Variants in ECT2 observed in about 807,000 individuals in gnomAD.
The protein encoded by ECT2 is protein ECT2.
Under a neutral mutation model 116.9 loss-of-function variants are expected in ECT2, and 61 were observed. That is an observed-to-expected ratio of 0.52 (90% CI 0.42 to 0.65). The LOEUF (loss-of-function observed/expected upper bound fraction) is 0.65. Ranked by LOEUF, ECT2 falls within the 30% of genes least tolerant of loss-of-function variation. The pLI is 0.00. For synonymous variants in ECT2, 358 were observed against 346.4 expected (o/e 1.03, Z -0.37); for missense variants, 937 against 1,078.7 (o/e 0.87, Z 1.84).
chr3:172,809,918 G>A (rs563430083), intron 22 of ECT2, among the ~76,000 whole-genome samples: 1 of 152,118 alleles, frequency 6.6e-6, no homozygotes, highest in Admixed American at 6.6e-5. Flanking sequence ...CATCTTAATC[G>A]ACTTTCTCCC....
At chr3:172,759,985 A>G (rs562415521) in intron 6 of ECT2, among the ~76,000 whole-genome samples, 171 bp from the exon 7 acceptor site, 1 of 152,338 alleles carries the variant, frequency 6.6e-6, no homozygotes, top group South Asian at 2.1e-4. Context: ...TTAATAGGCA[A>G]ACTAATCTTT....
At chr3:172,809,568 TAC>T (rs10576393) in intron 22 of ECT2, among the ~76,000 whole-genome samples, 103,515 of 147,054 alleles carry the variant, frequency 0.7, 36,782 homozygotes, top group Admixed American at 0.79. Context: ...TGTGTATATC[TAC>T]ACACACACAC....
At chr3:172,805,135 T>G (rs1727438508) in intron 20 of ECT2, among the ~76,000 whole-genome samples, 1 of 152,186 alleles carries the variant, frequency 6.6e-6, no homozygotes, top group Non-Finnish European at 1.5e-5. Context: ...GCCATCATCC[T>G]ATTTAATAAT....
intron 6 of ECT2, 146 bp from the exon 7 acceptor site, chr3:172,760,010 G>T: frequency 1.2e-5 from 6 of 515,356 alleles, no homozygotes; most frequent in Non-Finnish European, 2.0e-5. Flanking sequence ...TACTTACTTT[G>T]ACATAAAATT....
chr3:172,816,425 T>C (rs1461465078), intron 23 of ECT2, among the ~76,000 whole-genome samples: 1 of 152,118 alleles, frequency 6.6e-6, no homozygotes, highest in Non-Finnish European at 1.5e-5. Context: ...ACAACTAGAC[T>C]GGCTGAATCA....
intron 18 of ECT2, among the ~76,000 whole-genome samples, chr3:172,790,999 A>G (rs1250361627): frequency 6.6e-6 from 1 of 152,224 alleles, no homozygotes; most frequent in African/African-American, 2.4e-5. Context: ...TACTAAAAGT[A>G]CAAAAATTAG....
chr3:172,812,363 G>C (rs1485869457), intron 22 of ECT2, among the ~76,000 whole-genome samples: 1 of 152,006 alleles, frequency 6.6e-6, no homozygotes, highest in Admixed American at 6.5e-5. Flanking sequence ...TATTTTACCT[G>C]TTTCTAAGCT....
At chr3:172,807,352 C>T (rs1727963317) in intron 21 of ECT2, among the ~76,000 whole-genome samples, 1 of 152,118 alleles carries the variant, frequency 6.6e-6, no homozygotes, top group Admixed American at 6.5e-5. Flanking sequence ...TCCACAGATG[C>T]AGACCCACAG....
Position 172,761,626 on chromosome 3 carries a change from G to A in ECT2, c.701G>A (p.Gly234Asp), listed in dbSNP as rs1486928102. 3 of 1,610,536 alleles carry A rather than the reference G, an allele frequency of 1.9e-6. No individual in the cohort carries two copies. The highest frequency in any genetic ancestry group is 1.1e-5 in the South Asian group (1 of 90,734). Residue 234 changes from glycine to aspartate, a missense_variant, in exon 8 of 25, where the codon GGT becomes GAT. By Grantham distance (94) the Gly-to-Asp change is moderately conservative. Transcript: ENST00000392692. Reference protein sequence around the residue: ...GEKFRVAVSLGTPIMKPEWIY... With the variant: ...GEKFRVAVSLDTPIMKPEWIY... ...TATTTTTAGGTTGCTGTGAGTCTAGGTACTCCAATTATGAAGCCAGAATGG... is the reference window on the plus strand; with the variant it reads ...TATTTTTAGGTTGCTGTGAGTCTAGATACTCCAATTATGAAGCCAGAATGG...
At chr3:172,805,280 A>T (rs553559537) in intron 20 of ECT2, among the ~76,000 whole-genome samples, 1 of 142,332 alleles carries the variant, frequency 7.0e-6, no homozygotes, top group African/African-American at 2.5e-5. Flanking sequence ...GGTTTTTTTT[A>T]AACTCTGTAC....
rs1195950647 is a variant in ECT2, at chr3:172,797,019, T to A, written c.1908-5597T>A. Among the ~76,000 whole-genome samples the A allele has an allele frequency of 8.0e-4, 5 of 6,268 alleles. No homozygotes were observed. In the South Asian group the frequency reaches 0.01, roughly 13 times the overall value. The allele number at this position is 6,268 out of a possible 152,430, so 4.1% of individuals were successfully genotyped here. On this transcript the variant is annotated intron_variant, in intron 18 of 24. Transcript: ENST00000392692. ...CTCAGATTCATATATCAGGTTCAAC[T>A]GTGTGTGTGTGTGTGTGTGTGTGTG...
chr3:172,778,588 CTTTTTTT>C (rs5854485), intron 14 of ECT2, among the ~76,000 whole-genome samples: 14 of 59,780 alleles, frequency 2.3e-4, no homozygotes, highest in African/African-American at 7.2e-4. Context: ...TATTAGCTAT[CTTTTTTT>C]TTTTTTTTTT....
chr3:172,811,795 T>C (rs1247528692), intron 22 of ECT2, among the ~76,000 whole-genome samples: 1 of 152,132 alleles, frequency 6.6e-6, no homozygotes, highest in Non-Finnish European at 1.5e-5. Flanking sequence ...CATGCTATGA[T>C]TTTTACTGTC....
At chr3:172,797,050 G>GTGT (rs1409319197) in intron 18 of ECT2, among the ~76,000 whole-genome samples, 1 of 151,698 alleles carries the variant, frequency 6.6e-6, no homozygotes, top group Non-Finnish European at 1.5e-5. Context: ...GTGTGTGTGT[G>GTGT]TGTCAGGGTC....
intron 20 of ECT2, among the ~76,000 whole-genome samples, chr3:172,805,283 C>T (rs577735636): frequency 2.0e-5 from 3 of 151,588 alleles, no homozygotes; most frequent in East Asian, 1.9e-4. Context: ...TTTTTTTAAA[C>T]TCTGTACTAG....
chr3:172,760,123 A>G lies in ECT2; in HGVS notation c.577-33A>G, dbSNP rs373534378. ...GTTTAAAATTTTGTTCAAATTAACC[A>G]TAAAGTCAGTGTTGCTTAATTTTTC... On this transcript the variant is annotated intron_variant, in intron 6 of 24. Transcript: ENST00000392692. The G allele has an allele frequency of 2.5e-5, 37 of 1,475,102 alleles. 1 individual carries two copies. In the Admixed American group the frequency reaches 3.3e-4, roughly 13 times the overall value. The allele number at this position is 1,475,102 out of a possible 1,614,324, so 91.4% of individuals were successfully genotyped here. A position where few individuals can be genotyped will look rare whatever the true frequency, so the allele number is the denominator to read the frequency against.
intron 18 of ECT2, among the ~76,000 whole-genome samples, chr3:172,794,567 A>T (rs185366719): frequency 6.6e-6 from 1 of 152,150 alleles, no homozygotes; most frequent in South Asian, 2.1e-4. Context: ...TGGTTTCACT[A>T]TTCTGAGTTC....
At position 172,764,341 on chromosome 3, in the gene ECT2, C is replaced by T. The variant is rs779851315; in HGVS notation, c.1132C>T (p.Arg378Cys). 6.8e-6 allele frequency: 11 copies of T among 1,614,112 alleles called. No individual in the cohort carries two copies. Among genetic ancestry groups the T allele is most frequent in the Admixed American group, 3.3e-5 (2 of 60,024 alleles). ...MLSLNTPNSN[R>C]KRRRLKETLA... is the part of the protein sequence containing the mutation. The stretch of plus-strand genomic sequence containing the variant: ...TTCTCTAAATACCCCTAACAGCAAT[C>T]GCAAACGACGTCGTTTAAAAGAAAC... Residue 378 changes from arginine (R) to cysteine (C), a missense_variant, in exon 12 of 25, where the codon CGC (arginine) becomes TGC (cysteine). By Grantham distance (180) the Arg-to-Cys change is radical. Coordinates refer to ENST00000392692, the MANE Select transcript of ECT2 (RefSeq NM_001258315.2).
At chr3:172,778,388 AT>A (rs1722116167) in intron 14 of ECT2, among the ~76,000 whole-genome samples, 1 of 152,150 alleles carries the variant, frequency 6.6e-6, no homozygotes, top group Non-Finnish European at 1.5e-5. Flanking sequence ...AAGTAGTGGT[AT>A]TATGAATAAA....
Sources: gnomAD v4.1 joint callset for allele counts (sites outside exome capture counted in the v4.1 genomes callset) on GRCh38, gnomAD v4.1.1 for gene constraint, MANE v1.5 for transcripts, NCBI Gene and HGNC (gene_info 2026-07-23, HGNC 2026-07-21) for gene names.